The following TLK2 variants were observed in gnomAD, a reference collection of about 807,000 sequenced individuals.
TLK2 encodes the protein serine/threonine-protein kinase tousled-like 2.
TLK2 carries 6 observed loss-of-function variants against 117.3 expected under a neutral mutation model. The ratio of observed to expected loss-of-function variants is 0.05; its 90% confidence interval spans 0.03 to 0.10. The LOEUF (loss-of-function observed/expected upper bound fraction) is 0.10, where lower values mean the gene tolerates loss of function less well. Ranked by LOEUF, TLK2 falls within the 10% of genes least tolerant of loss-of-function variation. The pLI is 1.00. For synonymous variants in TLK2, 257 were observed against 316.7 expected, an observed-to-expected ratio of 0.81 and a Z score of 2.00; for missense variants, 299 against 901.2, an observed-to-expected ratio of 0.33 and a Z score of 8.56.
At chr17:62,487,476 G>A (rs1379261192) in intron 2 of TLK2, among the ~76,000 whole-genome samples, 6 of 145,752 alleles carry the variant, frequency 4.1e-5, no homozygotes, top group Non-Finnish European at 7.5e-5. Flanking sequence ...CTGAGATCGC[G>A]CCATTGCGCT....
At chr17:62,597,575 C>T (rs2082571836) in intron 17 of TLK2, among the ~76,000 whole-genome samples, 2 of 152,034 alleles carry the variant, frequency 1.3e-5, no homozygotes, top group Admixed American at 6.6e-5. Context: ...AAAGTACTGG[C>T]CGTGTGATTT....
chr17:62,523,013 A>T (rs1356647952), intron 4 of TLK2, 121 bp from the exon 5 acceptor site: 1 of 1,090,730 alleles, frequency 9.2e-7, no homozygotes, highest in Non-Finnish European at 1.3e-6. Flanking sequence ...ATTTGTTACA[A>T]GTAAAGCTGA....
intron 2 of TLK2, among the ~76,000 whole-genome samples, chr17:62,518,704 T>G (rs942741443): frequency 8.8e-5 from 13 of 147,868 alleles, no homozygotes; most frequent in African/African-American, 2.5e-4. Context: ...AGACTCCGTC[T>G]CCAAAAAAAA....
rs375586209 is a variant in TLK2, at chr17:62,541,063, C to G, written c.531+4726C>G. Among the ~76,000 whole-genome samples the G allele has an allele frequency of 5.3e-5, 8 of 152,134 alleles. No individual in the cohort carries two copies. The East Asian group carries it at 5.8e-4, about 11-fold the overall frequency. On this transcript the variant is annotated intron_variant, in intron 7 of 21. Coordinates refer to ENST00000346027, the MANE Select transcript of TLK2 (RefSeq NM_006852.6). ...TGCCTTTGCCCTAACATTCTTCACC[C>G]ATATATCATCATGCCCTGCTCTCTC...
chr17:62,569,953 T>C (rs2080138313), intron 11 of TLK2, among the ~76,000 whole-genome samples: 1 of 152,094 alleles, frequency 6.6e-6, no homozygotes, highest in South Asian at 2.1e-4. Context: ...TTAGGGAACA[T>C]CTTTCTTTGC....
At chr17:62,477,532 A>G (rs1159126850), upstream of TLK2, 2 of 152,252 alleles carry the variant, frequency 1.3e-5, no homozygotes, top group Non-Finnish European at 2.9e-5. Flanking sequence ...AATTAAGAGA[A>G]GAACGAAGAA....
chr17:62,595,620 C>T (rs1004359810), intron 16 of TLK2, among the ~76,000 whole-genome samples: 7 of 151,338 alleles, frequency 4.6e-5, no homozygotes, highest in Non-Finnish European at 8.8e-5. Context: ...TATGGGACCC[C>T]GTCATATGTG....
At chr17:62,551,910 T>C in intron 7 of TLK2, 1 of 286,504 alleles carries the variant, frequency 3.5e-6, no homozygotes, top group South Asian at 3.3e-5. Flanking sequence ...TTCTGAATAG[T>C]GGTTCACAGT....
chr17:62,501,553 CAAAATACAAAAATACT>C (rs1002238131), intron 2 of TLK2, among the ~76,000 whole-genome samples: 17 of 149,476 alleles, frequency 1.1e-4, no homozygotes, highest in African/African-American at 3.2e-4. Flanking sequence ...GGCAATATAG[CAAAATACAAAAATACT>C]AAAATACAAA....
chr17:62,480,243 G>A (rs1449354544), intron 1 of TLK2, among the ~76,000 whole-genome samples: 2 of 152,202 alleles, frequency 1.3e-5, no homozygotes. Flanking sequence ...TGTTCGAAGG[G>A]GTTCTATGTA....
chr17:62,594,814 A>G (rs2082340722), intron 16 of TLK2, among the ~76,000 whole-genome samples: 2 of 150,726 alleles, frequency 1.3e-5, no homozygotes. Context: ...ACACACACAC[A>G]CACACACACA....
chr17:62,477,115 A>T (rs994012833), upstream of TLK2, among the ~76,000 whole-genome samples: 3 of 152,096 alleles, frequency 2.0e-5, no homozygotes, highest in African/African-American at 7.2e-5. Context: ...TTTTTTAAAA[A>T]GACAGTGTCA....
intron 10 of TLK2, among the ~76,000 whole-genome samples, chr17:62,563,457 A>G (rs2079461737): frequency 6.6e-6 from 1 of 152,212 alleles, no homozygotes; most frequent in Non-Finnish European, 1.5e-5. Flanking sequence ...AATAAAAAAA[A>G]AGAAAATAAA....
At chr17:62,484,853 G>A (rs2072148441) in intron 2 of TLK2, among the ~76,000 whole-genome samples, 1 of 151,810 alleles carries the variant, frequency 6.6e-6, no homozygotes, top group Admixed American at 6.6e-5. Flanking sequence ...TCAGGAGATC[G>A]AGACCATCCT....
At chr17:62,501,315 T>C (rs1412861916) in intron 2 of TLK2, among the ~76,000 whole-genome samples, 1 of 152,194 alleles carries the variant, frequency 6.6e-6, no homozygotes, top group Non-Finnish European at 1.5e-5. Context: ...ATACAGCTAA[T>C]ACAGTGCTTT....
chr17:62,580,023 A>G, intron 14 of TLK2, 88 bp from the exon 15 acceptor site: 1 of 946,104 alleles, frequency 1.1e-6, no homozygotes, highest in Non-Finnish European at 1.6e-6. Context: ...AATTATATGT[A>G]TAATGTGTTA....
intron 2 of TLK2, among the ~76,000 whole-genome samples, chr17:62,510,116 C>T (rs1422598635): frequency 6.6e-6 from 1 of 152,104 alleles, no homozygotes; most frequent in African/African-American, 2.4e-5. Context: ...TCTACATAAA[C>T]ACAAAAATTA....
At chr17:62,478,588 G>A (rs2071197919), upstream of TLK2, among the ~76,000 whole-genome samples, 2 of 150,804 alleles carry the variant, frequency 1.3e-5, no homozygotes, top group East Asian at 3.9e-4. Context: ...CGTCCGGCGA[G>A]GCGCGGCTTC....
chr17:62,492,795 C>A (rs2073237330), intron 2 of TLK2, among the ~76,000 whole-genome samples: 1 of 152,022 alleles, frequency 6.6e-6, no homozygotes, highest in South Asian at 2.1e-4. Context: ...TAACTCCATG[C>A]CCATTAAATA....
Sources: allele counts gnomAD v4.1 joint callset (sites outside exome capture counted in the v4.1 genomes callset), GRCh38; gene constraint gnomAD v4.1.1; transcripts MANE v1.5; gene names NCBI Gene and HGNC (gene_info 2026-07-23, HGNC 2026-07-21).